ADARB2: variants seen among roughly 807,000 people sequenced by gnomAD.
The protein encoded by ADARB2 is inactive double-stranded RNA-specific editase B2.
Under a neutral mutation model 62.2 loss-of-function variants are expected in ADARB2, and 25 were observed. The ratio of observed to expected loss-of-function variants is 0.40; its 90% CI spans 0.29 to 0.56. The LOEUF (loss-of-function observed/expected upper bound fraction) is 0.56, where lower values mean the gene tolerates loss of function less well. ADARB2 is among the 20% of genes least tolerant of loss of function. The probability of loss-of-function intolerance (pLI) is 0.43; values close to 1 mark genes in which losing one functional copy is unlikely to be tolerated. For missense variants in ADARB2, 1,071 were observed against 1,077.4 expected (o/e 0.99, Z 0.08); for synonymous variants, 572 against 500.8 (o/e 1.14, Z -1.90).
At chr10:1,260,724 T>A (rs1247980554) in intron 4 of ADARB2, among the ~76,000 whole-genome samples, 1 of 145,822 alleles carries the variant, frequency 6.9e-6, no homozygotes, top group Non-Finnish European at 1.5e-5. Context: ...ATGGCCATAC[T>A]GCCCAAGGTA....
Position 1,276,440 on chromosome 10 carries a change from T to C in ADARB2, c.1078-5371A>G, listed in dbSNP as rs1435692226. ...GTCAGATGAGTAGATTGCAAAAATT[T>C]TCTTCCATTTTGTAGTTTGCCTGTT... On this transcript the variant is annotated intron_variant, in intron 3 of 9. Coordinates refer to ENST00000381312, the MANE Select transcript of ADARB2 (RefSeq NM_018702.4). Among the ~76,000 whole-genome samples the C allele has an allele frequency of 2.0e-5, 3 of 152,308 alleles. No homozygotes were observed. In the East Asian group the frequency reaches 5.8e-4, roughly 29 times the overall value.
In ADARB2 at chr10:1,183,176, A is replaced by G; in HGVS notation, c.*17T>C. On this transcript the variant is annotated 3_prime_UTR_variant, in exon 10 of 10. Coordinates refer to ENST00000381312, the MANE Select transcript of ADARB2 (RefSeq NM_018702.4). ...CTCCAGCGTCCCGCTCAGCTCCAGC[A>G]GCCAGGAGCCCGCAGCCTAGAGAGT... 6.2e-7 allele frequency: 1 copy of G among 1,610,292 alleles called. No individual in the cohort carries two copies.
At chr10:1,665,632 G>A (rs563188631) in intron 1 of ADARB2, among the ~76,000 whole-genome samples, 25 of 152,388 alleles carry the variant, frequency 1.6e-4, no homozygotes, top group Admixed American at 1.6e-3. Flanking sequence ...TACTGGGAGG[G>A]GAAATGTCAG....
chr10:1,355,118 C>T (rs1832182620), intron 3 of ADARB2, among the ~76,000 whole-genome samples: 1 of 151,968 alleles, frequency 6.6e-6, no homozygotes, highest in Non-Finnish European at 1.5e-5. Context: ...CACCTCCTCC[C>T]ACACAGTCGG....
chr10:1,559,886 G>A (rs1050363365), intron 1 of ADARB2, among the ~76,000 whole-genome samples: 4 of 152,170 alleles, frequency 2.6e-5, no homozygotes, highest in African/African-American at 9.7e-5. Context: ...AGAGATGGGC[G>A]GCTTCTCAGA....
intron 1 of ADARB2, chr10:1,395,027 C>T (rs1010051177): frequency 4.2e-5 from 19 of 452,100 alleles, no homozygotes; most frequent in African/African-American, 3.2e-4. Flanking sequence ...TCAGTTGATC[C>T]TGCCTCGGCC....
rs564284540 is a variant in ADARB2, at chr10:1,378,240, C to G, written c.187+834G>C. Among the ~76,000 whole-genome samples, 6 of 152,350 alleles carry G rather than the reference C, an allele frequency of 3.9e-5. No individual in the cohort carries two copies. The East Asian group carries it at 5.8e-4, about 15-fold the overall frequency. On this transcript the variant is annotated intron_variant, in intron 2 of 9. Coordinates refer to ENST00000381312, the MANE Select transcript of ADARB2 (RefSeq NM_018702.4). Reference sequence around the variant, plus strand: ...ATGCCGCTCAGATCCCTTTCCTAAACCAGCCTGGTGCCATCCTGAGGACAC... The same window carrying G: ...ATGCCGCTCAGATCCCTTTCCTAAAGCAGCCTGGTGCCATCCTGAGGACAC...
chr10:1,353,586 A>AT (rs1832165889), intron 3 of ADARB2, among the ~76,000 whole-genome samples: 2 of 152,130 alleles, frequency 1.3e-5, no homozygotes, highest in Admixed American at 1.3e-4. Context: ...CCTTCTCATT[A>AT]TATCAACTCT....
chr10:1,583,251 G>A (rs1833130446), intron 1 of ADARB2, among the ~76,000 whole-genome samples: 1 of 152,212 alleles, frequency 6.6e-6, no homozygotes, highest in Non-Finnish European at 1.5e-5. Flanking sequence ...ATAAGAGGAT[G>A]GCAAGGGGTC....
At chr10:1,692,876 G>C (rs1010225341) in intron 1 of ADARB2, among the ~76,000 whole-genome samples, 1 of 152,190 alleles carries the variant, frequency 6.6e-6, no homozygotes, top group African/African-American at 2.4e-5. Flanking sequence ...ATTTTAGTTA[G>C]CATGTTTGAT....
At chr10:1,562,350 C>T (rs573448784) in intron 1 of ADARB2, among the ~76,000 whole-genome samples, 57 of 152,306 alleles carry the variant, frequency 3.7e-4, no homozygotes, top group African/African-American at 1.3e-3. Context: ...GGTCAAAAGT[C>T]GCAGGACAAA....
Position 1,182,408 on chromosome 10 carries a change from T to TC in ADARB2, c.*784dup, listed in dbSNP as rs1281803624. The TC allele has an allele frequency of 1.3e-5, 2 of 153,834 alleles. No individual in the cohort carries two copies. The highest frequency in any genetic ancestry group is 1.3e-4 in the Admixed American group (2 of 15,270). The allele number at this position is 153,834 out of a possible 1,614,324, so 9.5% of individuals were successfully genotyped here. On this transcript the variant is annotated 3_prime_UTR_variant, in exon 10 of 10. Coordinates refer to ENST00000381312, the MANE Select transcript of ADARB2 (RefSeq NM_018702.4). ...GCCGGGTGTTTCCAGACTCCCCACATCTGCAGCACGCGTGGGCCGGGTGTT... is the reference window on the plus strand; with the variant it reads ...GCCGGGTGTTTCCAGACTCCCCACATCCTGCAGCACGCGTGGGCCGGGTGTT...
chr10:1,608,414 A>G lies in ADARB2; in HGVS notation c.100+128637T>C, dbSNP rs145804534. ...GTGCAGTGCATGAAAGAACTCTACC[A>G]CTCTATCTTCGGGGACCATTGACAG... On this transcript the variant is annotated intron_variant, in intron 1 of 9. Transcript: ENST00000381312. 4.6e-3 allele frequency among the ~76,000 whole-genome samples: 697 copies of G among 151,272 alleles called. 6 individuals are homozygous for G. The highest frequency in any genetic ancestry group is 0.016 in the African/African-American group (670 of 41,118).
intron 1 of ADARB2, among the ~76,000 whole-genome samples, chr10:1,695,879 GACAC>G (rs545147567): frequency 6.6e-6 from 1 of 152,164 alleles, no homozygotes; most frequent in East Asian, 1.9e-4. Context: ...CATGCATGAG[GACAC>G]ACACATGCAT....
chr10:1,711,328 G>A (rs1834946792), intron 1 of ADARB2, among the ~76,000 whole-genome samples: 1 of 152,172 alleles, frequency 6.6e-6, no homozygotes, highest in Non-Finnish European at 1.5e-5. Flanking sequence ...TATCTGGAGG[G>A]GAACCCGCTG....
chr10:1,453,802 C>T (rs186427852), intron 1 of ADARB2, among the ~76,000 whole-genome samples: 53 of 152,218 alleles, frequency 3.5e-4, no homozygotes, highest in African/African-American at 8.2e-4. Context: ...TGCGAGTTAC[C>T]GCCTCATACC....
intron 1 of ADARB2, among the ~76,000 whole-genome samples, chr10:1,385,718 A>G (rs1347481707): frequency 2.0e-5 from 3 of 152,172 alleles, no homozygotes; most frequent in Admixed American, 2.0e-4. Flanking sequence ...AAGGTAGAAA[A>G]TATACTTTAA....
intron 1 of ADARB2, among the ~76,000 whole-genome samples, chr10:1,617,169 A>G (rs111282783): frequency 5.4e-5 from 7 of 129,194 alleles, no homozygotes; most frequent in Admixed American, 2.4e-4. Flanking sequence ...AACTGGCCTC[A>G]GAGGGCTGCA....
At chr10:1,627,964 G>A (rs1833792265) in intron 1 of ADARB2, among the ~76,000 whole-genome samples, 1 of 152,200 alleles carries the variant, frequency 6.6e-6, no homozygotes, top group Non-Finnish European at 1.5e-5. Flanking sequence ...ACTGCAGACA[G>A]GTCTGCCCCG....
Sources: gnomAD v4.1 joint callset for allele counts (sites outside exome capture counted in the v4.1 genomes callset) on GRCh38, gnomAD v4.1.1 for gene constraint, MANE v1.5 for transcripts, NCBI Gene and HGNC (gene_info 2026-07-23, HGNC 2026-07-21) for gene names.